Variants in ADGRV1 observed in about 807,000 individuals in gnomAD.
ADGRV1 encodes the protein G-protein coupled receptor 98.
ADGRV1 carries 359 observed loss-of-function variants against 596.2 expected under a neutral mutation model. That is an observed-to-expected ratio of 0.60 (90% CI 0.55 to 0.66). The LOEUF is 0.66. Among genes scored for constraint, ADGRV1 ranks in the 30% least tolerant of loss-of-function variants. The pLI is 0.00. For missense variants in ADGRV1, 7,274 were observed against 7,575.6 expected, an observed-to-expected ratio of 0.96 and a Z score of 1.48; for synonymous variants, 2,681 against 2,679.2, an observed-to-expected ratio of 1.00 and a Z score of -0.02.
chr5:90,788,863 G>GACAC (rs70973708), intron 68 of ADGRV1, among the ~76,000 whole-genome samples: 6,621 of 146,994 alleles, frequency 0.045, 200 homozygotes, highest in African/African-American at 0.097. Context: ...CACAGACACA[G>GACAC]ACACACACAC....
intron 87 of ADGRV1, among the ~76,000 whole-genome samples, chr5:91,108,569 C>G (rs541306576): frequency 6.6e-6 from 1 of 152,202 alleles, no homozygotes; most frequent in Admixed American, 6.5e-5. Context: ...CTCAGGATCT[C>G]TAGCCACCTC....
At chr5:90,577,843 A>G (rs1165615725) in intron 1 of ADGRV1, among the ~76,000 whole-genome samples, 10 of 152,056 alleles carry the variant, frequency 6.6e-5, no homozygotes, top group Non-Finnish European at 1.5e-4. Context: ...ATCCTTTGTA[A>G]GTTGGATTCC....
intron 87 of ADGRV1, among the ~76,000 whole-genome samples, chr5:91,107,323 G>A (rs1473813938): frequency 6.6e-6 from 1 of 152,200 alleles, no homozygotes; most frequent in Non-Finnish European, 1.5e-5. Flanking sequence ...ATTGACATCT[G>A]GAGGAAAGAT....
chr5:91,093,851 G>GTTTT (rs376638151), intron 86 of ADGRV1, among the ~76,000 whole-genome samples: 9 of 132,296 alleles, frequency 6.8e-5, no homozygotes, highest in African/African-American at 1.8e-4. Flanking sequence ...ACATACGTAA[G>GTTTT]TTTTTTTTTT....
chr5:90,666,192 C>T (rs1303113545), intron 21 of ADGRV1, among the ~76,000 whole-genome samples: 8 of 151,142 alleles, frequency 5.3e-5, no homozygotes, highest in Non-Finnish European at 1.2e-4. Flanking sequence ...TCTCGTTGAT[C>T]TGTCTAATGT....
intron 83 of ADGRV1, among the ~76,000 whole-genome samples, chr5:90,870,476 G>A (rs1372443649): frequency 1.3e-5 from 2 of 152,200 alleles, no homozygotes; most frequent in Non-Finnish European, 2.9e-5. Context: ...ATTGGAAAAT[G>A]TTAAAGTTTT....
chr5:90,803,176 C>T (rs1256061576), intron 71 of ADGRV1, among the ~76,000 whole-genome samples: 1 of 151,984 alleles, frequency 6.6e-6, no homozygotes, highest in African/African-American at 2.4e-5. Context: ...TAATATTCCA[C>T]ACTTTTTCGC....
chr5:91,065,617 G>A (rs968377887), intron 85 of ADGRV1, among the ~76,000 whole-genome samples: 3 of 152,092 alleles, frequency 2.0e-5, no homozygotes, highest in Non-Finnish European at 2.9e-5. Context: ...TCCTTCTTAC[G>A]AATATTTCAG....
chr5:90,722,155 A>G (rs1034301782), intron 45 of ADGRV1, among the ~76,000 whole-genome samples: 8 of 152,100 alleles, frequency 5.3e-5, no homozygotes, highest in African/African-American at 1.9e-4. Flanking sequence ...GTTGATACAG[A>G]AGAGAAGTGA....
chr5:90,868,605 G>C (rs1398644164), intron 83 of ADGRV1, among the ~76,000 whole-genome samples: 1 of 149,228 alleles, frequency 6.7e-6, no homozygotes, highest in Admixed American at 6.7e-5. Flanking sequence ...CCAAGATCCT[G>C]TAGGTGCCCT....
rs753638355 is a variant in ADGRV1 at position 90,694,500 on chromosome 5, A to T, written c.7744A>T (p.Ile2582Phe). 1 of 1,613,934 alleles carries T rather than the reference A, an allele frequency of 6.2e-7. No homozygotes were observed. The highest frequency in any genetic ancestry group is 8.5e-7 in the Non-Finnish European group (1 of 1,179,842). ...LNGDAFGVFVIYNISPNTSED... is the reference protein window; with the variant it reads ...LNGDAFGVFVFYNISPNTSED... The stretch of plus-strand genomic sequence containing the variant: ...TGGTGATGCCTTTGGAGTGTTTGTG[A>T]TCTACAATATTAGTCCCAATACTTC... The change falls in exon 33 of 90, where the codon ATC becomes TTC. Residue 2582 changes from isoleucine to phenylalanine, a missense_variant. Coordinates refer to ENST00000405460, the MANE Select transcript of ADGRV1 (RefSeq NM_032119.4).
chr5:90,633,539 A>G (rs1765767726), intron 9 of ADGRV1, among the ~76,000 whole-genome samples: 1 of 151,988 alleles, frequency 6.6e-6, no homozygotes, highest in Non-Finnish European at 1.5e-5. Flanking sequence ...CCTTATAACA[A>G]TGCACACCCT....
chr5:91,042,988 C>A (rs191007989), intron 85 of ADGRV1, among the ~76,000 whole-genome samples: 3 of 152,116 alleles, frequency 2.0e-5, no homozygotes, highest in African/African-American at 7.2e-5. Flanking sequence ...AGTAGTAACC[C>A]CAAGCATTTT....
At chr5:90,910,741 T>C (rs1398901580) in intron 83 of ADGRV1, among the ~76,000 whole-genome samples, 2 of 152,068 alleles carry the variant, frequency 1.3e-5, no homozygotes, top group Non-Finnish European at 2.9e-5. Context: ...TTTTAGAGAA[T>C]ACAGGTACTC....
intron 86 of ADGRV1, among the ~76,000 whole-genome samples, chr5:91,084,098 C>T (rs562269817): frequency 6.6e-6 from 1 of 152,266 alleles, no homozygotes; most frequent in African/African-American, 2.4e-5. Flanking sequence ...CACCATCTTT[C>T]TGTCCCCTTC....
chr5:90,807,621 C>T lies in ADGRV1; in HGVS notation c.14856C>T (p.His4952=), dbSNP rs369321754. 66 of 1,612,210 alleles carry T rather than the reference C, an allele frequency of 4.1e-5. No homozygotes were observed. Among genetic ancestry groups the T allele is most frequent in the East Asian group, 2.2e-4 (10 of 44,870 alleles). ...TTTCAGGGAGCCTTTCATTTTCCCA[C>T]GGTGAACAAAGGAAAGGAGTTTTCC... ...TPTLGSLSFS[H]GEQRKGVFLW... is the part of the protein sequence containing the mutation. The change falls in exon 73 of 90, where the codon CAC becomes CAT. Residue 4952 remains histidine (H), a synonymous_variant. Coordinates refer to ENST00000405460, the MANE Select transcript of ADGRV1 (RefSeq NM_032119.4).
chr5:90,713,189 A>G (rs1236974959), intron 42 of ADGRV1, among the ~76,000 whole-genome samples: 2 of 152,092 alleles, frequency 1.3e-5, no homozygotes, highest in African/African-American at 4.8e-5. Context: ...TTTTAGTTTG[A>G]TGAATATTTG....
intron 87 of ADGRV1, among the ~76,000 whole-genome samples, chr5:91,127,206 C>T (rs1793833122): frequency 6.6e-6 from 1 of 152,162 alleles, no homozygotes; most frequent in African/African-American, 2.4e-5. Flanking sequence ...GAATACTCTG[C>T]AGGCATCCCA....
intron 17 of ADGRV1, among the ~76,000 whole-genome samples, chr5:90,648,260 G>A (rs559005430): frequency 6.6e-5 from 10 of 152,258 alleles, no homozygotes; most frequent in Admixed American, 1.3e-4. Flanking sequence ...AGATGTGTTC[G>A]TCCTTCTCCA....
Sources: gnomAD v4.1 joint callset for allele counts (sites outside exome capture counted in the v4.1 genomes callset) on GRCh38, gnomAD v4.1.1 for gene constraint, MANE v1.5 for transcripts, NCBI Gene and HGNC (gene_info 2026-07-23, HGNC 2026-07-21) for gene names.